Variants in ZBBX observed in about 807,000 individuals in gnomAD.
ZBBX encodes the protein zinc finger B-box domain-containing protein 1.
Under a neutral mutation model 108.5 loss-of-function variants are expected in ZBBX, and 101 were observed. That is an observed-to-expected ratio of 0.93 (90% CI 0.79 to 1.10). ZBBX has a LOEUF of 1.10. ZBBX is among the 50% of genes least tolerant of loss of function. The probability of loss-of-function intolerance (pLI) is 0.00; values close to 1 mark genes in which losing one functional copy is unlikely to be tolerated. For synonymous variants in ZBBX, 356 were observed against 323.4 expected (o/e 1.10, Z -1.08); for missense variants, 1,009 against 941.4 (o/e 1.07, Z -0.94).
chr3:167,264,879 T>C (rs1039014044), intron 20 of ZBBX, among the ~76,000 whole-genome samples: 10 of 152,216 alleles, frequency 6.6e-5, no homozygotes, highest in African/African-American at 2.2e-4. Flanking sequence ...GGATTTCTAC[T>C]CGGCCACCAC....
intron 20 of ZBBX, among the ~76,000 whole-genome samples, chr3:167,257,143 C>T (rs1723670042): frequency 6.6e-6 from 1 of 152,068 alleles, no homozygotes; most frequent in Non-Finnish European, 1.5e-5. Flanking sequence ...GCTTTATTGC[C>T]TGTCTTTTGT....
chr3:167,194,870 T>C, the ZBBX span, among the ~76,000 whole-genome samples: 14 of 152,136 alleles, frequency 9.2e-5, no homozygotes, highest in Non-Finnish European at 2.1e-4. Flanking sequence ...CTTTCCCTTG[T>C]ATAGGAACTT....
chr3:167,388,151 T>C (rs1396133563), intron 1 of ZBBX, among the ~76,000 whole-genome samples: 1 of 152,050 alleles, frequency 6.6e-6, no homozygotes, highest in Non-Finnish European at 1.5e-5. Flanking sequence ...AGAAAACCTC[T>C]CTGAGCAACA....
At chr3:167,400,517 A>C (rs1748393401) in intron 1 of ZBBX, among the ~76,000 whole-genome samples, 1 of 152,008 alleles carries the variant, frequency 6.6e-6, no homozygotes, top group East Asian at 1.9e-4. Flanking sequence ...TTGTCTGTTC[A>C]TGTCCTTTGC....
the ZBBX span, among the ~76,000 whole-genome samples, chr3:167,202,338 G>A: frequency 6.6e-6 from 1 of 152,142 alleles, no homozygotes; most frequent in Non-Finnish European, 1.5e-5. Flanking sequence ...TTATCAGAAT[G>A]TGTGTTAAAT....
intron 20 of ZBBX, among the ~76,000 whole-genome samples, chr3:167,256,525 G>A (rs1416558603): frequency 6.7e-6 from 1 of 148,290 alleles, no homozygotes; most frequent in African/African-American, 2.6e-5. Context: ...TAGTAACCCT[G>A]TTGTGCTATC....
intron 8 of ZBBX, among the ~76,000 whole-genome samples, chr3:167,358,844 G>A (rs1216052185): frequency 6.6e-6 from 1 of 150,390 alleles, no homozygotes; most frequent in Non-Finnish European, 1.5e-5. Context: ...GCTGAGGCAG[G>A]AGAATTGCTT....
the ZBBX span, among the ~76,000 whole-genome samples, chr3:167,194,067 G>C: frequency 0.25 from 37,875 of 151,478 alleles, 4,825 homozygotes; most frequent in African/African-American, 0.28. Context: ...AGGGTGACTA[G>C]ATTTTGTAAT....
intron 9 of ZBBX, among the ~76,000 whole-genome samples, chr3:167,342,798 CA>C (rs374133887): frequency 0.024 from 2,871 of 121,804 alleles, 44 homozygotes; most frequent in African/African-American, 0.031. Context: ...GTTATTACCA[CA>C]AAAAAAAAAA....
chr3:167,289,043 A>G, intron 18 of ZBBX, 60 bp from the exon 19 acceptor site: 1 of 1,213,682 alleles, frequency 8.2e-7, no homozygotes, highest in East Asian at 2.6e-5. Flanking sequence ...CCATTTTATT[A>G]GTTTTATATT....
intron 20 of ZBBX, among the ~76,000 whole-genome samples, chr3:167,252,654 C>T (rs960465301): frequency 2.0e-4 from 30 of 150,988 alleles, no homozygotes; most frequent in African/African-American, 7.1e-4. Flanking sequence ...TGTTGGACAT[C>T]AGCAAAGCCC....
chr3:167,299,344 A>G (rs1395435283), intron 17 of ZBBX, among the ~76,000 whole-genome samples: 1 of 152,104 alleles, frequency 6.6e-6, no homozygotes, highest in Non-Finnish European at 1.5e-5. Context: ...CTAGTGACCA[A>G]TAAAGCATGT....
intron 20 of ZBBX, among the ~76,000 whole-genome samples, chr3:167,255,207 G>C (rs1723291182): frequency 6.6e-6 from 1 of 151,934 alleles, no homozygotes; most frequent in African/African-American, 2.4e-5. Flanking sequence ...GGGCTAACTA[G>C]CACCATATTC....
At chr3:167,214,408 A>G in the ZBBX span, among the ~76,000 whole-genome samples, 1 of 152,226 alleles carries the variant, frequency 6.6e-6, no homozygotes, top group South Asian at 2.1e-4. Context: ...GACATCACAT[A>G]TTGGTAAAGG....
intron 11 of ZBBX, among the ~76,000 whole-genome samples, chr3:167,325,062 T>C (rs1737116354): frequency 6.6e-6 from 1 of 152,170 alleles, no homozygotes; most frequent in Non-Finnish European, 1.5e-5. Context: ...ACATCTACAT[T>C]GATAAAAACA....
At chr3:167,357,882 T>G (rs1743845250) in intron 8 of ZBBX, among the ~76,000 whole-genome samples, 1 of 152,054 alleles carries the variant, frequency 6.6e-6, no homozygotes, top group Admixed American at 6.6e-5. Flanking sequence ...TGTAGGGACA[T>G]GGATGAAACT....
At chr3:167,334,743 A>G (rs1036012922) in intron 9 of ZBBX, among the ~76,000 whole-genome samples, 2 of 152,066 alleles carry the variant, frequency 1.3e-5, no homozygotes, top group African/African-American at 2.4e-5. Context: ...TAGATGCGAT[A>G]TTTTGTGCAC....
At chr3:167,284,472 AG>A (rs1729367683) in intron 19 of ZBBX, among the ~76,000 whole-genome samples, 1 of 152,150 alleles carries the variant, frequency 6.6e-6, no homozygotes, top group Non-Finnish European at 1.5e-5. Context: ...TAAAATTTAA[AG>A]GAATTCACAA....
intron 10 of ZBBX, among the ~76,000 whole-genome samples, chr3:167,330,643 G>C (rs1346767589): frequency 6.6e-6 from 1 of 151,838 alleles, no homozygotes; most frequent in South Asian, 2.1e-4. Flanking sequence ...TGTGGTCCCA[G>C]TTACACAGGA....
Sources: allele counts gnomAD v4.1 joint callset (sites outside exome capture counted in the v4.1 genomes callset), GRCh38; gene constraint gnomAD v4.1.1; transcripts MANE v1.5; gene names NCBI Gene and HGNC (gene_info 2026-07-23, HGNC 2026-07-21).